Variants in TENM1 observed in about 807,000 individuals in gnomAD.
The protein encoded by TENM1 is teneurin transmembrane protein 1, also known as teneurin-1.
Under a neutral mutation model 174.8 loss-of-function variants are expected in TENM1, and 35 were observed. The ratio of observed to expected loss-of-function variants is 0.20; its 90% CI spans 0.15 to 0.27. The LOEUF is 0.27. Ranked by LOEUF, TENM1 falls within the 10% of genes least tolerant of loss-of-function variation. TENM1 has a pLI of 1.00. For synonymous variants in TENM1, 781 were observed against 798.7 expected (o/e 0.98, Z 0.37); for missense variants, 1,633 against 2,130.1 (o/e 0.77, Z 4.59).
intron 11 of TENM1, among the ~76,000 whole-genome samples, chrX:124,607,289 G>T (rs2050182029): frequency 9.0e-6 from 1 of 110,809 alleles, no homozygotes; most frequent in Admixed American, 9.7e-5. Flanking sequence ...GGTAATAATG[G>T]CTCTGAAGAA....
chrX:124,794,920 C>T (rs2055270448), intron 3 of TENM1, among the ~76,000 whole-genome samples: 1 of 111,169 alleles, frequency 9.0e-6, no homozygotes, highest in Admixed American at 9.6e-5. Flanking sequence ...GGTCTTCCTG[C>T]CCTCACCATC....
chrX:124,585,853 A>C (rs1415106275), intron 11 of TENM1, among the ~76,000 whole-genome samples: 4 of 111,028 alleles, frequency 3.6e-5, no homozygotes, highest in Non-Finnish European at 7.5e-5. Flanking sequence ...GACAAACGGG[A>C]TATCACCACC....
chrX:124,952,243 G>A (rs2058500278), intron 1 of TENM1, among the ~76,000 whole-genome samples: 1 of 110,078 alleles, frequency 9.1e-6, no homozygotes, highest in African/African-American at 3.3e-5. Flanking sequence ...TCATATACTA[G>A]TACATCTTGC....
chrX:124,601,196 A>T (rs755791740), intron 11 of TENM1, among the ~76,000 whole-genome samples: 1 of 111,952 alleles, frequency 8.9e-6, no homozygotes, highest in South Asian at 3.7e-4. Flanking sequence ...AAGGCAAGAG[A>T]TAATTAACTA....
At chrX:125,046,861 T>TGTGTGTGTGCATGC in the TENM1 span, among the ~76,000 whole-genome samples, 1 of 79,679 alleles carries the variant, frequency 1.3e-5, no homozygotes, top group Non-Finnish European at 2.5e-5. Context: ...TGCATGCGTG[T>TGTGTGTGTGCATGC]GTGTGTGTGT....
intron 22 of TENM1, among the ~76,000 whole-genome samples, chrX:124,463,102 G>C (rs2061197212): frequency 8.9e-6 from 1 of 111,912 alleles, no homozygotes; most frequent in Non-Finnish European, 1.9e-5. Context: ...CACAAATCCA[G>C]TTGTTCTGTC....
At chrX:125,108,246 C>T in the TENM1 span, among the ~76,000 whole-genome samples, 1,696 of 111,441 alleles carry the variant, frequency 0.015, 31 homozygotes, top group African/African-American at 0.053. Context: ...CTATTTTCAC[C>T]TCACCATTGG....
At chrX:124,804,865 T>C (rs1274694882) in intron 3 of TENM1, among the ~76,000 whole-genome samples, 5 of 111,642 alleles carry the variant, frequency 4.5e-5, no homozygotes, top group African/African-American at 1.6e-4. Flanking sequence ...GTGGAGGGAA[T>C]AATGGATGTA....
the TENM1 span, among the ~76,000 whole-genome samples, chrX:124,977,868 C>T: frequency 9.2e-6 from 1 of 108,727 alleles, no homozygotes; most frequent in African/African-American, 3.3e-5. Flanking sequence ...TTCTCTGTCA[C>T]CTTCTGGGAC....
chrX:124,899,208 TA>T (rs2057615241), intron 1 of TENM1, among the ~76,000 whole-genome samples: 1 of 111,503 alleles, frequency 9.0e-6, no homozygotes, highest in African/African-American at 3.3e-5. Context: ...ATAACCTTGT[TA>T]CCTAAAGTAC....
At chrX:124,736,390 G>A (rs909729477) in intron 4 of TENM1, among the ~76,000 whole-genome samples, 3 of 111,097 alleles carry the variant, frequency 2.7e-5, no homozygotes, top group Admixed American at 1.9e-4. Flanking sequence ...GAAAAACAGA[G>A]GCAAACTTTT....
chrX:124,729,949 T>C (rs5958565), intron 4 of TENM1, among the ~76,000 whole-genome samples: 19,486 of 110,196 alleles, frequency 0.18, 2,521 homozygotes, highest in African/African-American at 0.45. Context: ...CTCTGAACCA[T>C]CCCCACTCCC....
At chrX:124,465,714 CCT>C (rs1491556154) in intron 22 of TENM1, among the ~76,000 whole-genome samples, 2 of 110,659 alleles carry the variant, frequency 1.8e-5, no homozygotes, top group African/African-American at 6.6e-5. Flanking sequence ...TCATTTTCCC[CCT>C]TTTTTTTTCT....
At chrX:124,461,593 G>A (rs1401826226) in intron 22 of TENM1, among the ~76,000 whole-genome samples, 1 of 111,766 alleles carries the variant, frequency 8.9e-6, no homozygotes, top group Non-Finnish European at 1.9e-5. Flanking sequence ...TTTATCATTT[G>A]CAGCAACATG....
Position 124,795,409 on chromosome X carries a change from C to T in TENM1, c.536-58212G>A, listed in dbSNP as rs2055280753. 2.7e-5 allele frequency among the ~76,000 whole-genome samples: 3 copies of T among 112,340 alleles called. No individual in the cohort carries two copies. In the South Asian group the frequency reaches 1.1e-3, roughly 41 times the overall value. On this transcript the variant is annotated intron_variant, in intron 3 of 31. Coordinates refer to ENST00000422452, the Ensembl canonical transcript of TENM1. ...ATAGCTTATAATTCCTGCATAATTG[C>T]TGCAATGTATAAGACTAACCCATTA...
At chrX:125,070,686 G>T in the TENM1 span, among the ~76,000 whole-genome samples, 2 of 111,562 alleles carry the variant, frequency 1.8e-5, no homozygotes, top group Non-Finnish European at 3.8e-5. Flanking sequence ...AAAATTAGAT[G>T]TTCTCAAATA....
In TENM1 at chrX:124,780,268, C is replaced by T. The variant is rs1045631899; in HGVS notation, c.536-43071G>A. On this transcript the variant is annotated intron_variant, in intron 3 of 31. Coordinates refer to ENST00000422452, the Ensembl canonical transcript of TENM1. ...AATTACAACCCTTCAAGGACCAAAG[C>T]GTGCTTATACACTTCAAACAGTAAA... Among the ~76,000 whole-genome samples the T allele has an allele frequency of 8.0e-5, 9 of 112,178 alleles. No homozygotes were observed. In the East Asian group the frequency reaches 1.1e-3, roughly 14 times the overall value.
At chrX:125,132,664 T>C in the TENM1 span, among the ~76,000 whole-genome samples, 6 of 111,846 alleles carry the variant, frequency 5.4e-5, no homozygotes, top group Middle Eastern at 4.7e-3. Flanking sequence ...AAAATTCCTA[T>C]GATTGATTGT....
chrX:125,052,589 G>A, the TENM1 span, among the ~76,000 whole-genome samples: 1,871 of 111,653 alleles, frequency 0.017, 19 homozygotes, highest in Non-Finnish European at 0.028. Context: ...AAAAGGAAAT[G>A]ACTAGATTTC....
Sources: gnomAD v4.1 joint callset for allele counts (sites outside exome capture counted in the v4.1 genomes callset) on GRCh38, gnomAD v4.1.1 for gene constraint, MANE v1.5 for transcripts, NCBI Gene and HGNC (gene_info 2026-07-23, HGNC 2026-07-21) for gene names.